The following THRAP3 variants were observed in gnomAD, a reference collection of about 807,000 sequenced individuals.
THRAP3 encodes thyroid hormone receptor associated protein 3, also known as thyroid hormone receptor-associated protein 3.
In THRAP3, 16 loss-of-function variants were observed where a neutral mutation model predicts 101.0. The observed-to-expected ratio is 0.16, with a 90% confidence interval of 0.11 to 0.24. THRAP3 has a LOEUF of 0.24. Among genes scored for constraint, THRAP3 ranks in the 10% least tolerant of loss-of-function variants. The probability of loss-of-function intolerance (pLI) is 1.00; values close to 1 mark genes in which losing one functional copy is unlikely to be tolerated. For missense variants in THRAP3, 989 were observed against 1,202.7 expected (o/e 0.82, Z 2.63); for synonymous variants, 407 against 422.6 (o/e 0.96, Z 0.45).
chr1:36,302,296 G>GTTT (rs1183067385), intron 11 of THRAP3, among the ~76,000 whole-genome samples: 2 of 152,188 alleles, frequency 1.3e-5, no homozygotes, highest in Admixed American at 1.3e-4. Flanking sequence ...TTATAACTAA[G>GTTT]GTAAAGGAGC....
intron 2 of THRAP3, among the ~76,000 whole-genome samples, chr1:36,271,846 G>A (rs560271301): frequency 7.2e-5 from 11 of 151,886 alleles, no homozygotes; most frequent in Non-Finnish European, 1.5e-4. Flanking sequence ...AGCCCGCCTC[G>A]GCCTCCCAAA....
At chr1:36,242,792 C>G (rs1645178097) in intron 1 of THRAP3, among the ~76,000 whole-genome samples, 1 of 152,198 alleles carries the variant, frequency 6.6e-6, no homozygotes, top group Non-Finnish European at 1.5e-5. Flanking sequence ...ATTTGTCAGT[C>G]TTTACCTTTA....
At chr1:36,208,398 T>G in the THRAP3 span, among the ~76,000 whole-genome samples, 2 of 152,104 alleles carry the variant, frequency 1.3e-5, no homozygotes, top group Non-Finnish European at 2.9e-5. Context: ...AAGTCAGATC[T>G]GGCATCAAAA....
chr1:36,239,336 T>C lies in THRAP3; in HGVS notation c.-135+14831T>C, dbSNP rs1019603243. On this transcript the variant is annotated intron_variant, in intron 1 of 11. Transcript: ENST00000354618. ...GTGCAGTGGCTCGATGTCAGCTTAC[T>C]ACAACCTCCGCCGCCCCTGCACCGG... Among the ~76,000 whole-genome samples, 3 of 144,964 alleles carry C rather than the reference T, an allele frequency of 2.1e-5. No homozygotes were observed. The Admixed American group carries it at 2.1e-4, about 10-fold the overall frequency.
chr1:36,260,164 T>C (rs1645426496), intron 2 of THRAP3, among the ~76,000 whole-genome samples: 2 of 151,848 alleles, frequency 1.3e-5, no homozygotes, highest in African/African-American at 2.4e-5. Context: ...ATCACTTCAA[T>C]GCAGAAGGTA....
chr1:36,252,958 AT>A (rs1557819433), intron 1 of THRAP3, among the ~76,000 whole-genome samples: 75 of 140,956 alleles, frequency 5.3e-4, no homozygotes, highest in African/African-American at 1.9e-3. Flanking sequence ...ATATATATAT[AT>A]ATATATATAT....
chr1:36,214,872 A>G, the THRAP3 span, among the ~76,000 whole-genome samples: 1 of 151,372 alleles, frequency 6.6e-6, no homozygotes, highest in East Asian at 1.9e-4. Context: ...AAAAAAATAA[A>G]TAAATAAAAT....
At chr1:36,225,700 A>G (rs1209299793) in intron 1 of THRAP3, among the ~76,000 whole-genome samples, 1 of 152,088 alleles carries the variant, frequency 6.6e-6, no homozygotes, top group Non-Finnish European at 1.5e-5. Context: ...AGACAGTCTG[A>G]CGTGTGTATT....
chr1:36,211,146 G>A, the THRAP3 span, among the ~76,000 whole-genome samples: 1 of 151,692 alleles, frequency 6.6e-6, no homozygotes, highest in Non-Finnish European at 1.5e-5. Context: ...CCAGGATTGA[G>A]CCCAGGGGTT....
In THRAP3 at chr1:36,289,561, C is replaced by G; in HGVS notation, c.1542C>G (p.Gly514=). 1 of 1,614,008 alleles carries G rather than the reference C, an allele frequency of 6.2e-7. No individual in the cohort carries two copies. Among genetic ancestry groups the G allele is most frequent in the Non-Finnish European group, 8.5e-7 (1 of 1,179,996 alleles). Residue 514 remains glycine (G), a synonymous_variant, in exon 5 of 12, where the codon GGC becomes GGG. Transcript: ENST00000354618. ...AGAGAAGCGAAGGTGGGCACAGGGG[C>G]TTTGTGCCTGAGAAGAATTTCCGAG... ...RGKRSEGGHR[G]FVPEKNFRVT...
chr1:36,288,756 A>T, intron 4 of THRAP3: 1 of 985,462 alleles, frequency 1.0e-6, no homozygotes, highest in Non-Finnish European at 1.2e-6. Flanking sequence ...CATTACAGGT[A>T]AGTAGGTTTT....
intron 2 of THRAP3, among the ~76,000 whole-genome samples, chr1:36,263,834 T>G (rs1645478230): frequency 6.6e-6 from 1 of 152,218 alleles, no homozygotes; most frequent in African/African-American, 2.4e-5. Flanking sequence ...TAAGTGAACT[T>G]TTAGCTTGCT....
At position 36,248,531 on chromosome 1, in the gene THRAP3, T is replaced by C. The variant is rs376127649; in HGVS notation, c.-134-10851T>C. On this transcript the variant is annotated intron_variant, in intron 1 of 11. Transcript: ENST00000354618. Reference sequence around the variant, plus strand: ...GGTGCAATCATGACTCACTGCAGCCTTGACCTCCTGGGCCCAAGCGATTCT... The same window carrying C: ...GGTGCAATCATGACTCACTGCAGCCCTGACCTCCTGGGCCCAAGCGATTCT... 1.2e-3 allele frequency among the ~76,000 whole-genome samples: 183 copies of C among 151,830 alleles called. 3 individuals carry two copies. In the South Asian group the frequency reaches 0.037, roughly 31 times the overall value.
chr1:36,260,055 A>C (rs1645424885), intron 2 of THRAP3, among the ~76,000 whole-genome samples: 2 of 152,026 alleles, frequency 1.3e-5, no homozygotes, highest in African/African-American at 4.8e-5. Flanking sequence ...CAGCCTGGCC[A>C]ACATAGTGAA....
At chr1:36,223,786 G>A (rs187035858), upstream of THRAP3, among the ~76,000 whole-genome samples, 6 of 152,250 alleles carry the variant, frequency 3.9e-5, no homozygotes, top group East Asian at 1.2e-3. Flanking sequence ...CAGAAGGCAG[G>A]CTGGGGAGAG....
intron 9 of THRAP3, among the ~76,000 whole-genome samples, chr1:36,300,116 A>G (rs989418541): frequency 2.6e-5 from 4 of 152,226 alleles, no homozygotes; most frequent in African/African-American, 9.6e-5. Context: ...ACTTTAGTAC[A>G]TAGATAATGA....
intron 2 of THRAP3, among the ~76,000 whole-genome samples, chr1:36,263,089 C>A (rs1291339123): frequency 6.8e-6 from 1 of 146,004 alleles, no homozygotes; most frequent in Non-Finnish European, 1.5e-5. Context: ...GGATTACAGG[C>A]GTGAGCCACT....
At chr1:36,269,482 T>C (rs1570298072) in intron 2 of THRAP3, among the ~76,000 whole-genome samples, 1 of 152,194 alleles carries the variant, frequency 6.6e-6, no homozygotes, top group African/African-American at 2.4e-5. Flanking sequence ...TGTCCTGTAA[T>C]TGGGGGAGAG....
intron 1 of THRAP3, among the ~76,000 whole-genome samples, chr1:36,231,199 TAA>T (rs200254604): frequency 6.8e-6 from 1 of 147,286 alleles, no homozygotes; most frequent in Admixed American, 6.8e-5. Flanking sequence ...TGTTTCTTCT[TAA>T]AAAAAAAAAG....
Sources: gnomAD v4.1 joint callset for allele counts (sites outside exome capture counted in the v4.1 genomes callset) on GRCh38, gnomAD v4.1.1 for gene constraint, MANE v1.5 for transcripts, NCBI Gene and HGNC (gene_info 2026-07-23, HGNC 2026-07-21) for gene names.